Variants in CNOT4 observed in about 807,000 individuals in gnomAD.
The protein encoded by CNOT4 is CCR4-associated factor 4.
In CNOT4, 8 loss-of-function variants were observed where a neutral mutation model predicts 73.8. The ratio of observed to expected loss-of-function variants is 0.11; its 90% CI spans 0.06 to 0.20. The LOEUF is 0.20. Among genes scored for constraint, CNOT4 ranks in the 10% least tolerant of loss-of-function variants. The probability of loss-of-function intolerance (pLI) is 1.00; values close to 1 mark genes in which losing one functional copy is unlikely to be tolerated. For missense variants in CNOT4, 564 were observed against 883.4 expected (o/e 0.64, Z 4.58); for synonymous variants, 293 against 321.1 (o/e 0.91, Z 0.94).
intron 1 of CNOT4, among the ~76,000 whole-genome samples, chr7:135,472,427 A>T (rs1486500841): frequency 1.5e-5 from 2 of 131,842 alleles, no homozygotes; most frequent in African/African-American, 5.7e-5. Flanking sequence ...CAGCGAGCAG[A>T]GATCATGCCA....
chr7:135,365,389 C>A (rs1031316497), intron 10 of CNOT4, among the ~76,000 whole-genome samples: 17 of 144,490 alleles, frequency 1.2e-4, no homozygotes, highest in African/African-American at 3.6e-4. Flanking sequence ...CTAAACCTCA[C>A]ATTTCTTATA....
intron 10 of CNOT4, chr7:135,388,478 A>G: frequency 1.0e-6 from 1 of 996,576 alleles, no homozygotes; most frequent in Non-Finnish European, 1.2e-6. Flanking sequence ...ATTTTTCAAT[A>G]ATAGAGCCAA....
chr7:135,393,785 T>C (rs1796523848), intron 10 of CNOT4, 133 bp downstream of exon 10: 5 of 639,610 alleles, frequency 7.8e-6, no homozygotes, highest in Admixed American at 5.9e-5. Context: ...TTTTAGATTA[T>C]GATAAAGACT....
chr7:135,483,205 C>T lies in CNOT4; in HGVS notation c.-93+26684G>A, dbSNP rs529599323. Among the ~76,000 whole-genome samples the T allele has an allele frequency of 5.3e-5, 8 of 149,580 alleles. No individual in the cohort carries two copies. In the East Asian group the frequency reaches 9.9e-4, roughly 19 times the overall value. ...TTAAAAAAAAAAAAAAAATCAGCTG[C>T]CACATGCCTGTACTCCCAGCTACTC... On this transcript the variant is annotated intron_variant, in intron 1 of 11. Coordinates refer to ENST00000541284, the MANE Select transcript of CNOT4 (RefSeq NM_001190850.2).
chr7:135,504,809 T>C (rs1436495100), intron 1 of CNOT4, among the ~76,000 whole-genome samples: 1 of 147,872 alleles, frequency 6.8e-6, no homozygotes, highest in Non-Finnish European at 1.5e-5. Flanking sequence ...TTTGTATTTT[T>C]AGTAGAGATG....
intron 1 of CNOT4, among the ~76,000 whole-genome samples, chr7:135,471,441 A>G (rs1801569334): frequency 6.6e-6 from 1 of 152,202 alleles, no homozygotes; most frequent in Non-Finnish European, 1.5e-5. Flanking sequence ...ATGAGTTGTG[A>G]CACATGCCTA....
intron 1 of CNOT4, chr7:135,509,010 G>T (rs151063856): frequency 8.7e-4 from 132 of 152,228 alleles, no homozygotes; most frequent in African/African-American, 3.1e-3. Flanking sequence ...AAACGAAAAC[G>T]GTCCTCTCCG....
intron 3 of CNOT4, among the ~76,000 whole-genome samples, chr7:135,417,424 G>A (rs1304309026): frequency 4.6e-5 from 7 of 152,140 alleles, no homozygotes; most frequent in Admixed American, 4.6e-4. Flanking sequence ...CAAATTATGT[G>A]TGTAGACAAA....
chr7:135,455,732 G>A (rs1800485582), intron 1 of CNOT4, among the ~76,000 whole-genome samples: 1 of 152,018 alleles, frequency 6.6e-6, no homozygotes, highest in South Asian at 2.1e-4. Context: ...AAATTAGCTG[G>A]GCATGGTGGT....
Position 135,401,134 on chromosome 7 carries a change from T to C in CNOT4, c.822-2908A>G, listed in dbSNP as rs537986846. Among the ~76,000 whole-genome samples, 7 of 152,316 alleles carry C rather than the reference T, an allele frequency of 4.6e-5. No individual in the cohort carries two copies. In the South Asian group the frequency reaches 1.4e-3, roughly 32 times the overall value. ...AATGGCTGGAGAGAAAAGAGTTATC[T>C]TGAGACTACGACCAACAGGTCAGAG... On this transcript the variant is annotated intron_variant, in intron 7 of 11. Transcript: ENST00000541284.
chr7:135,409,275 CA>C (rs1383480004), intron 7 of CNOT4, among the ~76,000 whole-genome samples: 19 of 152,096 alleles, frequency 1.2e-4, no homozygotes, highest in Admixed American at 4.6e-4. Flanking sequence ...AGGGTGGGTA[CA>C]AAAGATTAAA....
intron 1 of CNOT4, among the ~76,000 whole-genome samples, chr7:135,480,667 G>A (rs2129487218): frequency 6.6e-6 from 1 of 152,218 alleles, no homozygotes; most frequent in East Asian, 1.9e-4. Flanking sequence ...CATTGCAGAG[G>A]CATTCATCTG....
chr7:135,492,848 G>A (rs1353513024), intron 1 of CNOT4, among the ~76,000 whole-genome samples: 1 of 152,116 alleles, frequency 6.6e-6, no homozygotes, highest in Non-Finnish European at 1.5e-5. Flanking sequence ...CATTAAAGAA[G>A]ACATTTAGAA....
intron 1 of CNOT4, among the ~76,000 whole-genome samples, chr7:135,464,536 G>C (rs1274639877): frequency 1.3e-5 from 2 of 152,082 alleles, no homozygotes; most frequent in East Asian, 1.9e-4. Context: ...CTACTTGAGG[G>C]GGAAGTGGGG....
At chr7:135,439,142 A>C (rs1194428958) in intron 1 of CNOT4, among the ~76,000 whole-genome samples, 2 of 152,224 alleles carry the variant, frequency 1.3e-5, no homozygotes, top group East Asian at 3.8e-4. Context: ...GGGAGTTTTA[A>C]ATTTTTAGGT....
At chr7:135,444,803 G>A (rs953671526) in intron 1 of CNOT4, 25 of 1,602,448 alleles carry the variant, frequency 1.6e-5, no homozygotes, top group Non-Finnish European at 1.7e-5. Flanking sequence ...ATGTTCATGG[G>A]GATGCCTCGC....
intron 10 of CNOT4, among the ~76,000 whole-genome samples, chr7:135,378,714 G>A (rs10243569): frequency 0.077 from 11,513 of 150,302 alleles, 501 homozygotes; most frequent in Middle Eastern, 0.13. Flanking sequence ...AGCCGGGCAC[G>A]GTGGCTCACG....
chr7:135,468,062 A>C (rs1281439987), intron 1 of CNOT4, among the ~76,000 whole-genome samples: 1 of 151,924 alleles, frequency 6.6e-6, no homozygotes, highest in Admixed American at 6.6e-5. Flanking sequence ...AAAAATACAA[A>C]AAAATTAGCC....
At chr7:135,395,527 AAC>A in intron 9 of CNOT4, 105 bp downstream of exon 9, 3 of 1,265,874 alleles carry the variant, frequency 2.4e-6, no homozygotes, top group Non-Finnish European at 3.3e-6. Context: ...ATTAAAAGAG[AAC>A]AGAGAGGCAA....
Sources: gnomAD v4.1 joint callset for allele counts (sites outside exome capture counted in the v4.1 genomes callset) on GRCh38, gnomAD v4.1.1 for gene constraint, MANE v1.5 for transcripts, NCBI Gene and HGNC (gene_info 2026-07-23, HGNC 2026-07-21) for gene names.